Variants in MAP4 observed in about 807,000 individuals in gnomAD.
The protein encoded by MAP4 is microtubule associated protein 4.
In MAP4, 76 loss-of-function variants were observed where a neutral mutation model predicts 170.2. The ratio of observed to expected loss-of-function variants is 0.45; its 90% CI spans 0.37 to 0.54. The LOEUF is 0.54. Among genes scored for constraint, MAP4 ranks in the 20% least tolerant of loss-of-function variants. The pLI, the probability that MAP4 is intolerant of heterozygous loss-of-function variation, is 0.00. For synonymous variants in MAP4, 909 were observed against 994.5 expected (o/e 0.91, Z 1.62); for missense variants, 2,506 against 2,748.0 (o/e 0.91, Z 1.97).
rs2065416652 is a variant in MAP4 at position 47,861,335 on chromosome 3, G to A, written c.6502-3823C>T. 2.7e-5 allele frequency among the ~76,000 whole-genome samples: 4 copies of A among 150,296 alleles called. No individual in the cohort carries two copies. In the South Asian group the frequency reaches 8.4e-4, roughly 32 times the overall value. On this transcript the variant is annotated intron_variant, in intron 17 of 20. Transcript: ENST00000683076. ...CGTGCCATTGCACTCCACCCTGGGT[G>A]ACAAAACGAGACTCCGTCTTTTTTT...
intron 3 of MAP4, among the ~76,000 whole-genome samples, chr3:47,970,925 C>T (rs1025741755): frequency 2.6e-5 from 4 of 152,150 alleles, no homozygotes; most frequent in African/African-American, 7.2e-5. Context: ...ACTGAAATAA[C>T]GTGGCTTAGA....
At chr3:47,978,802 T>A (rs2154278364) in intron 2 of MAP4, among the ~76,000 whole-genome samples, 2 of 151,592 alleles carry the variant, frequency 1.3e-5, no homozygotes, top group Middle Eastern at 6.8e-3. Context: ...TGACTAAGGA[T>A]GTTGAGCATC....
At chr3:47,969,084 A>C (rs768395278) in intron 3 of MAP4, among the ~76,000 whole-genome samples, 69 of 152,334 alleles carry the variant, frequency 4.5e-4, no homozygotes, top group Admixed American at 1.8e-3. Context: ...ATCTGTGGCT[A>C]TCTCTATAGT....
intron 10 of MAP4, among the ~76,000 whole-genome samples, chr3:47,886,223 AG>A (rs2152877763): frequency 6.6e-6 from 1 of 152,386 alleles, no homozygotes. Context: ...GTGCATAAGC[AG>A]AAACTGCTTT....
At chr3:48,003,360 AG>A (rs1348485150) in intron 1 of MAP4, among the ~76,000 whole-genome samples, 5 of 150,362 alleles carry the variant, frequency 3.3e-5, no homozygotes, top group Non-Finnish European at 5.9e-5. Flanking sequence ...AGGCTGAGGC[AG>A]GAGAATCGCT....
chr3:47,930,979 A>G (rs2100049498), intron 3 of MAP4, among the ~76,000 whole-genome samples: 1 of 152,166 alleles, frequency 6.6e-6, no homozygotes, highest in African/African-American at 2.4e-5. Context: ...ATTTTACCAA[A>G]GAAAATATAT....
At chr3:48,048,698 T>C (rs183253706) in intron 1 of MAP4, among the ~76,000 whole-genome samples, 1 of 152,098 alleles carries the variant, frequency 6.6e-6, no homozygotes, top group Non-Finnish European at 1.5e-5. Context: ...TTAAATTTTT[T>C]TGTAGAGACA....
chr3:47,869,719 AG>A (rs2087738684), intron 15 of MAP4, among the ~76,000 whole-genome samples: 2 of 152,142 alleles, frequency 1.3e-5, no homozygotes, highest in Non-Finnish European at 2.9e-5. Context: ...CCACGGTCAC[AG>A]GAAGTCAATA....
intron 10 of MAP4, among the ~76,000 whole-genome samples, chr3:47,899,054 G>C (rs2153234155): frequency 6.6e-6 from 1 of 152,266 alleles, no homozygotes; most frequent in Non-Finnish European, 1.5e-5. Context: ...CAGGGATGCA[G>C]ATTTATCCAC....
intron 2 of MAP4, among the ~76,000 whole-genome samples, chr3:47,984,481 G>C (rs1383461515): frequency 6.6e-6 from 1 of 152,106 alleles, no homozygotes; most frequent in Non-Finnish European, 1.5e-5. Flanking sequence ...TACATACATA[G>C]CCTCAAAATA....
intron 3 of MAP4, 46 bp downstream of exon 3, chr3:47,977,819 G>C: frequency 1.6e-6 from 2 of 1,275,548 alleles, no homozygotes; most frequent in African/African-American, 1.5e-5. Flanking sequence ...GGTGTTCATT[G>C]TAAGTGCATC....
chr3:47,930,803 C>T (rs1263037099), intron 3 of MAP4, among the ~76,000 whole-genome samples: 2 of 151,718 alleles, frequency 1.3e-5, no homozygotes, highest in African/African-American at 4.8e-5. Flanking sequence ...GTGGAGGATG[C>T]CTGTAGTCCC....
intron 10 of MAP4, among the ~76,000 whole-genome samples, chr3:47,900,373 A>G (rs1316806995): frequency 1.3e-5 from 2 of 152,248 alleles, no homozygotes; most frequent in Non-Finnish European, 2.9e-5. Flanking sequence ...AGAAGCAAAC[A>G]GACAGAATGA....
At chr3:48,085,552 T>C (rs2100148611) in intron 1 of MAP4, among the ~76,000 whole-genome samples, 3 of 152,218 alleles carry the variant, frequency 2.0e-5, no homozygotes, top group Non-Finnish European at 2.9e-5. Flanking sequence ...GGAAAATGTG[T>C]TAAGACATCC....
chr3:47,982,114 T>C (rs374273283), intron 2 of MAP4, among the ~76,000 whole-genome samples: 2 of 152,098 alleles, frequency 1.3e-5, no homozygotes, highest in African/African-American at 4.8e-5. Context: ...GTAAAGCCCA[T>C]CTCTACTCTT....
chr3:48,048,995 G>A (rs115974143), intron 1 of MAP4, among the ~76,000 whole-genome samples: 6,582 of 152,150 alleles, frequency 0.043, 218 homozygotes, highest in Non-Finnish European at 0.067. Context: ...GTCACTTTGA[G>A]AATGTCATAT....
At chr3:47,869,367 G>A (rs771164730) in intron 15 of MAP4, 40 bp from the exon 16 acceptor site, 1 of 1,362,542 alleles carries the variant, frequency 7.3e-7, no homozygotes, top group Non-Finnish European at 1.1e-6. Context: ...CAAACCAAGA[G>A]GATAAGAGCT....
intron 1 of MAP4, among the ~76,000 whole-genome samples, chr3:48,083,611 C>CCT (rs2100147665): frequency 6.6e-6 from 1 of 151,822 alleles, no homozygotes; most frequent in African/African-American, 2.4e-5. Flanking sequence ...TTGATCTGCC[C>CCT]ACCTCAGCCT....
At chr3:47,993,155 G>C (rs1035532229) in intron 2 of MAP4, among the ~76,000 whole-genome samples, 1 of 152,098 alleles carries the variant, frequency 6.6e-6, no homozygotes, top group East Asian at 1.9e-4. Context: ...GTTTACACAT[G>C]AATAACTTGT....
Sources: gnomAD v4.1 joint callset for allele counts (sites outside exome capture counted in the v4.1 genomes callset) on GRCh38, gnomAD v4.1.1 for gene constraint, MANE v1.5 for transcripts, NCBI Gene and HGNC (gene_info 2026-07-23, HGNC 2026-07-21) for gene names.